Variants in ADAM22 observed in about 807,000 individuals in gnomAD.
The protein encoded by ADAM22 is ADAM metallopeptidase domain 22.
A neutral mutation model predicts 144.6 loss-of-function variants in ADAM22; 65 were observed. The ratio of observed to expected loss-of-function variants is 0.45; its 90% confidence interval spans 0.37 to 0.55. The LOEUF (loss-of-function observed/expected upper bound fraction) is 0.55, where lower values mean the gene tolerates loss of function less well. ADAM22 is among the 20% of genes least tolerant of loss of function. ADAM22 has a pLI of 0.00. For missense variants in ADAM22, 974 were observed against 1,184.9 expected, an observed-to-expected ratio of 0.82 and a Z score of 2.61; for synonymous variants, 391 against 412.6, an observed-to-expected ratio of 0.95 and a Z score of 0.63.
At chr7:88,096,643 G>C (rs1341588023) in intron 4 of ADAM22, among the ~76,000 whole-genome samples, 3 of 151,844 alleles carry the variant, frequency 2.0e-5, no homozygotes, top group Non-Finnish European at 4.4e-5. Context: ...TTTGTTGTTG[G>C]TTTTAAATTC....
chr7:87,942,035 T>A (rs1315793679), intron 2 of ADAM22, among the ~76,000 whole-genome samples: 1 of 151,958 alleles, frequency 6.6e-6, no homozygotes, highest in Non-Finnish European at 1.5e-5. Flanking sequence ...ATTCCCTAAC[T>A]CCAGTGGGGC....
chr7:87,985,955 A>T (rs1025048662), intron 3 of ADAM22, among the ~76,000 whole-genome samples: 17 of 152,088 alleles, frequency 1.1e-4, no homozygotes, highest in African/African-American at 4.1e-4. Flanking sequence ...TCTATTTTGC[A>T]GGAGGGATGA....
chr7:88,121,709 C>G (rs1248426810), intron 7 of ADAM22, among the ~76,000 whole-genome samples: 1 of 151,968 alleles, frequency 6.6e-6, no homozygotes, highest in East Asian at 1.9e-4. Flanking sequence ...AGTGAGAGAC[C>G]AAGAGAAGAG....
At chr7:88,016,372 A>G (rs1796539960) in intron 3 of ADAM22, among the ~76,000 whole-genome samples, 1 of 152,226 alleles carries the variant, frequency 6.6e-6, no homozygotes, top group African/African-American at 2.4e-5. Flanking sequence ...CCCTTTCTAG[A>G]ACAATGGGAA....
At chr7:88,104,917 T>G (rs1240061136) in intron 4 of ADAM22, among the ~76,000 whole-genome samples, 1 of 152,190 alleles carries the variant, frequency 6.6e-6, no homozygotes, top group Admixed American at 6.5e-5. Flanking sequence ...TGCAGATGCA[T>G]CCTGATCATC....
chr7:88,101,570 G>A (rs892101688), intron 4 of ADAM22, among the ~76,000 whole-genome samples: 1 of 152,168 alleles, frequency 6.6e-6, no homozygotes, highest in Non-Finnish European at 1.5e-5. Context: ...CCAGGCCAAA[G>A]CATCCTGCAT....
In ADAM22 at chr7:88,120,184, A is replaced by T. The variant is rs550508441; in HGVS notation, c.607+3370A>T. On this transcript the variant is annotated intron_variant, in intron 7 of 31. Coordinates refer to ENST00000413139, the MANE Select transcript of ADAM22 (RefSeq NM_001324418.2). ...CACTGTTTTTTTTTAATATATATATATTTTTTATTATACTTTAAGTTCTAG... is the reference window on the plus strand; with the variant it reads ...CACTGTTTTTTTTTAATATATATATTTTTTTTATTATACTTTAAGTTCTAG... Among the ~76,000 whole-genome samples, 6 of 151,654 alleles carry T rather than the reference A, an allele frequency of 4.0e-5. No individual in the cohort carries two copies. The East Asian group carries it at 5.8e-4, about 15-fold the overall frequency.
At chr7:88,038,752 G>A (rs1802175110) in intron 3 of ADAM22, among the ~76,000 whole-genome samples, 1 of 151,164 alleles carries the variant, frequency 6.6e-6, no homozygotes, top group Admixed American at 6.6e-5. Flanking sequence ...ATTCTACATA[G>A]TAACTGAATA....
At chr7:88,032,401 T>G (rs1238532554) in intron 3 of ADAM22, among the ~76,000 whole-genome samples, 1 of 152,244 alleles carries the variant, frequency 6.6e-6, no homozygotes, top group Non-Finnish European at 1.5e-5. Context: ...AGCCCCTTGG[T>G]TTTGGCCAAT....
intron 22 of ADAM22, among the ~76,000 whole-genome samples, chr7:88,157,486 G>A (rs1840300088): frequency 6.6e-6 from 1 of 152,082 alleles, no homozygotes; most frequent in South Asian, 2.1e-4. Flanking sequence ...AAGTGTGAGG[G>A]TAGAAAATAA....
chr7:88,145,417 A>G lies in ADAM22; in HGVS notation c.1395A>G (p.Glu465=). 6.2e-7 allele frequency: 1 copy of G among 1,612,450 alleles called. No individual in the cohort carries two copies. The highest frequency in any genetic ancestry group is 1.3e-5 in the African/African-American group (1 of 75,008). Residue 465 remains glutamate, a splice_region_variant and synonymous_variant, in exon 17 of 32, where the codon GAA becomes GAG. Coordinates refer to ENST00000413139, the MANE Select transcript of ADAM22 (RefSeq NM_001324418.2). The part of the protein sequence containing the change: ...GEECDCGTPA[E]CVLEGAECCK... ...TTGAAAATGTTTATATTCCTTAGGA[A>G]TGTGTCCTTGAAGGAGCAGAGTGTT...
chr7:88,113,703 A>AATAAATAAAT (rs1554478726), intron 5 of ADAM22, among the ~76,000 whole-genome samples: 149 of 48,090 alleles, frequency 3.1e-3, no homozygotes, highest in East Asian at 0.013. Context: ...TAAATAAATA[A>AATAAATAAAT]ATATATATAT....
intron 15 of ADAM22, among the ~76,000 whole-genome samples, chr7:88,144,181 CTAAT>C (rs1324348839): frequency 9.2e-5 from 14 of 151,912 alleles, no homozygotes; most frequent in Non-Finnish European, 1.6e-4. Flanking sequence ...TTTTTTTCCT[CTAAT>C]TAGTTATGAA....
chr7:88,147,262 G>A (rs1482119216), intron 17 of ADAM22, among the ~76,000 whole-genome samples: 1 of 152,118 alleles, frequency 6.6e-6, no homozygotes, highest in Admixed American at 6.5e-5. Context: ...TGCCACCCTA[G>A]ACTCCTAGGG....
intron 3 of ADAM22, among the ~76,000 whole-genome samples, chr7:88,012,617 C>G (rs912443618): frequency 6.6e-6 from 1 of 152,140 alleles, no homozygotes; most frequent in Non-Finnish European, 1.5e-5. Flanking sequence ...GAGTCTACAC[C>G]TTGCAGCCCT....
chr7:88,017,378 C>G (rs1796764204), intron 3 of ADAM22, among the ~76,000 whole-genome samples: 4 of 151,932 alleles, frequency 2.6e-5, no homozygotes, highest in Admixed American at 2.6e-4. Flanking sequence ...GTCACTGCAT[C>G]CCATAAATAT....
chr7:88,014,708 T>C (rs2158766), intron 3 of ADAM22, among the ~76,000 whole-genome samples: 60,496 of 152,086 alleles, frequency 0.4, 13,324 homozygotes, highest in South Asian at 0.59. Flanking sequence ...CCTCTAAGAA[T>C]TTGCCACATC....
intron 5 of ADAM22, among the ~76,000 whole-genome samples, chr7:88,114,219 G>T (rs1827146456): frequency 6.6e-6 from 1 of 152,098 alleles, no homozygotes; most frequent in Non-Finnish European, 1.5e-5. Flanking sequence ...GCAATTTCCT[G>T]GGTTCCAGTC....
intron 3 of ADAM22, among the ~76,000 whole-genome samples, chr7:88,045,843 G>A (rs1165671497): frequency 6.6e-6 from 1 of 150,468 alleles, no homozygotes; most frequent in East Asian, 1.9e-4. Flanking sequence ...TCGTGTTGTT[G>A]CAAATGACAG....
Sources: allele counts gnomAD v4.1 joint callset (sites outside exome capture counted in the v4.1 genomes callset), GRCh38; gene constraint gnomAD v4.1.1; transcripts MANE v1.5; gene names NCBI Gene and HGNC (gene_info 2026-07-23, HGNC 2026-07-21).